Variants in RALGPS1 observed in about 807,000 individuals in gnomAD.
The protein encoded by RALGPS1 is Ral GEF with PH domain and SH3 binding motif 1.
A neutral mutation model predicts 78.8 loss-of-function variants in RALGPS1; 19 were observed. That is an observed-to-expected ratio of 0.24 (90% CI 0.17 to 0.35). The LOEUF (loss-of-function observed/expected upper bound fraction) is 0.35, where lower values mean the gene tolerates loss of function less well. Ranked by LOEUF, RALGPS1 falls within the 10% of genes least tolerant of loss-of-function variation. RALGPS1 has a pLI of 1.00. For synonymous variants in RALGPS1, 228 were observed against 256.3 expected (o/e 0.89, Z 1.06); for missense variants, 454 against 688.3 (o/e 0.66, Z 3.81).
chr9:127,149,665 G>A (rs1385810539), intron 8 of RALGPS1, among the ~76,000 whole-genome samples: 1 of 152,256 alleles, frequency 6.6e-6, no homozygotes, highest in Non-Finnish European at 1.5e-5. Context: ...ACACAAAACA[G>A]AGGTTCATGG....
At chr9:127,109,351 G>A (rs1203572271) in intron 8 of RALGPS1, among the ~76,000 whole-genome samples, 2 of 152,196 alleles carry the variant, frequency 1.3e-5, no homozygotes, top group African/African-American at 4.8e-5. Flanking sequence ...CCAGGATATT[G>A]CACTTTGGGC....
intron 8 of RALGPS1, among the ~76,000 whole-genome samples, chr9:127,100,821 C>T (rs933832489): frequency 6.6e-6 from 1 of 152,216 alleles, no homozygotes; most frequent in Non-Finnish European, 1.5e-5. Context: ...GGATCAGCTT[C>T]ATTGGTTTCT....
intron 14 of RALGPS1, among the ~76,000 whole-genome samples, chr9:127,202,609 C>T (rs182843355): frequency 8.1e-4 from 123 of 152,084 alleles, no homozygotes; most frequent in Non-Finnish European, 9.0e-4. Context: ...CCTGTGGGGT[C>T]GGGGAGGGGC....
intron 1 of RALGPS1, among the ~76,000 whole-genome samples, chr9:126,951,463 A>G (rs2037809258): frequency 6.6e-6 from 1 of 151,836 alleles, no homozygotes; most frequent in South Asian, 2.1e-4. Flanking sequence ...CAAAAAGCTT[A>G]TCCACCGTGA....
At chr9:127,112,929 G>A (rs146794042) in intron 8 of RALGPS1, among the ~76,000 whole-genome samples, 46 of 152,298 alleles carry the variant, frequency 3.0e-4, no homozygotes, top group African/African-American at 1.1e-3. Flanking sequence ...ACTTACTAGT[G>A]TTATGCCCAT....
chr9:126,946,875 T>C (rs1205775367), intron 1 of RALGPS1, among the ~76,000 whole-genome samples: 1 of 152,190 alleles, frequency 6.6e-6, no homozygotes, highest in Non-Finnish European at 1.5e-5. Context: ...TCTTGTCAGC[T>C]GGTGGCTGCA....
At chr9:127,167,735 T>C (rs1204735925) in intron 9 of RALGPS1, among the ~76,000 whole-genome samples, 2 of 152,208 alleles carry the variant, frequency 1.3e-5, no homozygotes, top group African/African-American at 4.8e-5. Context: ...TATCGGGTGC[T>C]CATGCTGCAC....
chr9:127,019,902 C>T (rs1272619653), intron 4 of RALGPS1, among the ~76,000 whole-genome samples: 1 of 152,126 alleles, frequency 6.6e-6, no homozygotes, highest in Admixed American at 6.5e-5. Context: ...ACAGATACTA[C>T]TAAGCTTCTA....
intron 10 of RALGPS1, among the ~76,000 whole-genome samples, chr9:127,173,137 C>T (rs1194534831): frequency 6.6e-6 from 1 of 152,204 alleles, no homozygotes; most frequent in African/African-American, 2.4e-5. Context: ...AGCAAGCAGT[C>T]TGTTTCACAT....
chr9:126,997,637 A>G (rs2042897005), intron 4 of RALGPS1, among the ~76,000 whole-genome samples: 1 of 152,194 alleles, frequency 6.6e-6, no homozygotes, highest in Non-Finnish European at 1.5e-5. Flanking sequence ...TCAAGCTACC[A>G]ATGACTTTCT....
chr9:127,130,809 A>G (rs1420552296), intron 8 of RALGPS1, among the ~76,000 whole-genome samples: 2 of 152,068 alleles, frequency 1.3e-5, no homozygotes, highest in African/African-American at 4.8e-5. Flanking sequence ...GCCAGTGTTG[A>G]CCTTTGGCCA....
In RALGPS1 at chr9:127,093,674, T is replaced by C. The variant is rs929665872; in HGVS notation, c.610+24318T>C. On this transcript the variant is annotated intron_variant, in intron 8 of 18. Transcript: ENST00000259351. ...GGCTCTTCTATTGGTTGCTCAGGCC[T>C]CTCTTGGGGTGGGCCAGTCACCTTG... The C allele has an allele frequency of 3.1e-6, 5 of 1,590,206 alleles. No homozygotes were observed. In the African/African-American group the frequency reaches 6.7e-5, roughly 21 times the overall value.
At chr9:127,007,722 G>A (rs1047171532) in intron 4 of RALGPS1, among the ~76,000 whole-genome samples, 5 of 152,314 alleles carry the variant, frequency 3.3e-5, no homozygotes, top group Admixed American at 6.5e-5. Context: ...GCTGGGTCAC[G>A]CCACAATGAG....
intron 8 of RALGPS1, among the ~76,000 whole-genome samples, chr9:127,136,780 A>C (rs1261355519): frequency 6.6e-6 from 1 of 152,050 alleles, no homozygotes; most frequent in Non-Finnish European, 1.5e-5. Context: ...CCTTTGTCTT[A>C]GTGATTAAGG....
At chr9:127,107,216 C>T (rs1273819693) in intron 8 of RALGPS1, 1 of 152,252 alleles carries the variant, frequency 6.6e-6, no homozygotes, top group Non-Finnish European at 1.5e-5. Flanking sequence ...CCGCAAGGAG[C>T]TCCAGGAGTT....
chr9:127,212,766 G>A lies in RALGPS1; in HGVS notation c.1446+47G>A, dbSNP rs1315269719. Reference sequence around the variant, plus strand: ...TAGTGCTGGGACTTCCTCTAGTGGGGAAGGGACCTCTGTGAACTGTGGAGG... The same window carrying A: ...TAGTGCTGGGACTTCCTCTAGTGGGAAAGGGACCTCTGTGAACTGTGGAGG... On this transcript the variant is annotated intron_variant, in intron 16 of 18. Coordinates refer to ENST00000259351, the MANE Select transcript of RALGPS1 (RefSeq NM_014636.3). This position sits in a 1 kb window ranked among gnomAD's most constrained non-coding sequence, Gnocchi z 6.0. 10 of 1,550,594 alleles carry A rather than the reference G, an allele frequency of 6.4e-6. No homozygotes were observed. The East Asian group carries it at 2.3e-4, about 35-fold the overall frequency.
At chr9:127,133,590 C>A (rs961915649) in intron 8 of RALGPS1, among the ~76,000 whole-genome samples, 1 of 152,232 alleles carries the variant, frequency 6.6e-6, no homozygotes, top group Non-Finnish European at 1.5e-5. Flanking sequence ...CCTGCCCTTG[C>A]CTTTCTTCCT....
intron 8 of RALGPS1, among the ~76,000 whole-genome samples, chr9:127,145,021 AC>A (rs2058018629): frequency 6.6e-6 from 1 of 152,226 alleles, no homozygotes; most frequent in Non-Finnish European, 1.5e-5. Flanking sequence ...TAATATAGGT[AC>A]TATGTTGGCA....
chr9:127,200,357 C>T (rs1421261775), intron 14 of RALGPS1, among the ~76,000 whole-genome samples: 4 of 152,382 alleles, frequency 2.6e-5, no homozygotes, highest in Admixed American at 1.3e-4. Flanking sequence ...ACCAAATCCT[C>T]AGCACTCCTG....
Sources: gnomAD v4.1 joint callset for allele counts (sites outside exome capture counted in the v4.1 genomes callset) on GRCh38, gnomAD v4.1.1 for gene constraint, Gnocchi (gnomAD v3.1) non-coding constraint, MANE v1.5 for transcripts, NCBI Gene and HGNC (gene_info 2026-07-23, HGNC 2026-07-21) for gene names.